SREK1IP1: variants seen among roughly 807,000 people sequenced by gnomAD.
SREK1IP1 encodes SREK1 interacting protein 1.
Under a neutral mutation model 22.8 loss-of-function variants are expected in SREK1IP1, and 12 were observed. The observed-to-expected ratio is 0.53, with a 90% CI of 0.34 to 0.85. SREK1IP1 has a LOEUF of 0.85. Among genes scored for constraint, SREK1IP1 ranks in the 40% least tolerant of loss-of-function variants. The pLI is 0.02. For missense variants in SREK1IP1, 147 were observed against 171.8 expected (o/e 0.86, Z 0.81); for synonymous variants, 53 against 52.7 (o/e 1.01, Z -0.02).
At chr5:64,725,451 T>G (rs1011710662) in intron 4 of SREK1IP1, among the ~76,000 whole-genome samples, 1 of 152,158 alleles carries the variant, frequency 6.6e-6, no homozygotes, top group Non-Finnish European at 1.5e-5. Flanking sequence ...ATCTAAATAT[T>G]AGGAGTTAAA....
Position 64,724,231 on chromosome 5 carries a change from T to C in SREK1IP1, c.*153A>G, listed in dbSNP as rs1742223432. 9 of 620,678 alleles carry C rather than the reference T, an allele frequency of 1.5e-5. No individual in the cohort carries two copies. The highest frequency in any genetic ancestry group is 6.1e-5 in the South Asian group (2 of 32,524). The allele number at this position is 620,678 out of a possible 1,614,324, so 38.4% of individuals were successfully genotyped here. On this transcript the variant is annotated 3_prime_UTR_variant, in exon 5 of 5. Coordinates refer to ENST00000513458, the MANE Select transcript of SREK1IP1 (RefSeq NM_173829.4). ...ACAGTTACAGCACATTAAAAATATA[T>C]TGCCAGAGGGATAATGGTCCCAAAT...
intron 2 of SREK1IP1, among the ~76,000 whole-genome samples, chr5:64,744,208 G>A (rs1392819575): frequency 6.6e-6 from 1 of 152,036 alleles, no homozygotes; most frequent in East Asian, 1.9e-4. Flanking sequence ...GCGCAGGTAG[G>A]GCACCATGCA....
intron 4 of SREK1IP1, among the ~76,000 whole-genome samples, chr5:64,725,721 T>C (rs2112084425): frequency 6.6e-6 from 1 of 152,232 alleles, no homozygotes. Context: ...GCCTCTTCAG[T>C]TGTTATTCTC....
In SREK1IP1 at chr5:64,728,657, C is replaced by T. The variant is rs180952757; in HGVS notation, c.206-478G>A. Among the ~76,000 whole-genome samples the T allele has an allele frequency of 2.0e-5, 3 of 152,288 alleles. No homozygotes were observed. In the East Asian group the frequency reaches 5.8e-4, roughly 29 times the overall value. ...ACATTTACTCATACACACATAGTTG[C>T]ATATAAGTTCCAAGTATTTTTTGCC... On this transcript the variant is annotated intron_variant, in intron 3 of 4. Transcript: ENST00000513458.
In SREK1IP1 at chr5:64,722,503, A is replaced by G. The variant is rs1287485571; in HGVS notation, c.*1881T>C. 6.6e-6 allele frequency: 1 copy of G among 152,218 alleles called. No individual in the cohort carries two copies. Among genetic ancestry groups the G allele is most frequent in the Non-Finnish European group, 1.5e-5 (1 of 68,036 alleles). 9.4% of individuals were successfully genotyped at this position (152,218 alleles called of 1,614,324 possible). A position where few individuals can be genotyped will look rare whatever the true frequency, so the allele number is the denominator to read the frequency against. ...TTATTTTTTCAAGGCTAGTCAAGTC[A>G]AGCAGTGGGAGTAAAGAAACACCAC... On this transcript the variant is annotated 3_prime_UTR_variant, in exon 5 of 5. Coordinates refer to ENST00000513458, the MANE Select transcript of SREK1IP1 (RefSeq NM_173829.4).
intron 3 of SREK1IP1, among the ~76,000 whole-genome samples, chr5:64,740,445 CA>C (rs1322668802): frequency 6.6e-6 from 1 of 151,994 alleles, no homozygotes; most frequent in Non-Finnish European, 1.5e-5. Context: ...GTTTCATGAC[CA>C]AATCAACTTT....
intron 2 of SREK1IP1, among the ~76,000 whole-genome samples, chr5:64,741,846 C>T (rs1742556257): frequency 6.6e-6 from 1 of 152,052 alleles, no homozygotes; most frequent in Non-Finnish European, 1.5e-5. Flanking sequence ...TACCTAAATA[C>T]CTATCATCCA....
rs533875435 is a variant in SREK1IP1 at position 64,727,991 on chromosome 5, C to T, written c.278+116G>A. 2.3e-4 allele frequency: 213 copies of T among 945,242 alleles called. 1 individual carries two copies. In the African/African-American group the frequency reaches 3.7e-3, roughly 16 times the overall value. 58.6% of individuals were successfully genotyped at this position (945,242 alleles called of 1,614,324 possible). Reference sequence around the variant, plus strand: ...GTTTAAACTTAAGCTCAATGAAAAGCTTAGTTGTTGAAGAAAAAATATTAA... The same window carrying T: ...GTTTAAACTTAAGCTCAATGAAAAGTTTAGTTGTTGAAGAAAAAATATTAA... On this transcript the variant is annotated intron_variant, in intron 4 of 4. Coordinates refer to ENST00000513458, the MANE Select transcript of SREK1IP1 (RefSeq NM_173829.4).
intron 2 of SREK1IP1, among the ~76,000 whole-genome samples, chr5:64,743,531 A>AT (rs142957656): frequency 6.6e-6 from 1 of 152,006 alleles, no homozygotes; most frequent in Non-Finnish European, 1.5e-5. Flanking sequence ...CTCCATCTTA[A>AT]TTTTTTTGTC....
chr5:64,742,997 G>A (rs1742575444), intron 2 of SREK1IP1, among the ~76,000 whole-genome samples: 1 of 151,982 alleles, frequency 6.6e-6, no homozygotes, highest in Non-Finnish European at 1.5e-5. Context: ...TGTGTTTATT[G>A]TCAATCTCTA....
chr5:64,742,206 ATATT>A (rs920052703), intron 2 of SREK1IP1, among the ~76,000 whole-genome samples: 2 of 152,160 alleles, frequency 1.3e-5, no homozygotes, highest in African/African-American at 2.4e-5. Context: ...TATGAAAATT[ATATT>A]TATTTGCTGT....
chr5:64,722,902 G>T lies in SREK1IP1; in HGVS notation c.*1482C>A, dbSNP rs2112082111. On this transcript the variant is annotated 3_prime_UTR_variant, in exon 5 of 5. Coordinates refer to ENST00000513458, the MANE Select transcript of SREK1IP1 (RefSeq NM_173829.4). ...CCACATTGGGTGCCAGGTGAAACAA[G>T]AATCAGTAAACCTTTCTAGCCTGTG... The T allele has an allele frequency of 6.6e-6, 1 of 152,326 alleles. No individual in the cohort carries two copies. Among genetic ancestry groups the T allele is most frequent in the South Asian group, 2.1e-4 (1 of 4,832 alleles). The allele number at this position is 152,326 out of a possible 1,614,324, so 9.4% of individuals were successfully genotyped here.
chr5:64,767,391 CTTGCTCACCACT>C (rs1743057917), intron 1 of SREK1IP1, among the ~76,000 whole-genome samples: 1 of 152,212 alleles, frequency 6.6e-6, no homozygotes, highest in African/African-American at 2.4e-5. Flanking sequence ...CCATGTCTAC[CTTGCTCACCACT>C]GTATTTCCAA....
rs919550034 is a variant in SREK1IP1, at chr5:64,722,251, C to T, written c.*2133G>A. Reference sequence around the variant, plus strand: ...TCATTAAAATATTTTAATTTGCATACTACATTAGTTAACGAGGACTGACTT... The same window carrying T: ...TCATTAAAATATTTTAATTTGCATATTACATTAGTTAACGAGGACTGACTT... On this transcript the variant is annotated 3_prime_UTR_variant, in exon 5 of 5. Transcript: ENST00000513458. 6.6e-6 allele frequency: 1 copy of T among 152,088 alleles called. No homozygotes were observed. The highest frequency in any genetic ancestry group is 2.4e-5 in the African/African-American group (1 of 41,430). 9.4% of individuals were successfully genotyped at this position (152,088 alleles called of 1,614,324 possible).
At chr5:64,727,553 A>ATATATATATATATATATT in intron 4 of SREK1IP1, 49 of 84,644 alleles carry the variant, frequency 5.8e-4, no homozygotes, top group African/African-American at 2.7e-3. Flanking sequence ...ATATATATAT[A>ATATATATATATATATATT]TTTTTTTTTT....
intron 2 of SREK1IP1, among the ~76,000 whole-genome samples, chr5:64,741,987 AT>A (rs11355158): frequency 0.62 from 88,360 of 143,326 alleles, 28,342 homozygotes; most frequent in African/African-American, 0.86. Context: ...ATCTCATTCC[AT>A]TTTTTTTTTT....
chr5:64,741,198 C>A lies in SREK1IP1; in HGVS notation c.64G>T (p.Gly22Cys), dbSNP rs1445948637. ...RAGCKKCGYP[G>C]HLTFECRNFL... ...TTGCGGCATTCAAAAGTCAGGTGACCAGCTAAGTGAAACAAACAAAAAAAA... is the reference window on the plus strand; with the variant it reads ...TTGCGGCATTCAAAAGTCAGGTGACAAGCTAAGTGAAACAAACAAAAAAAA... The change falls in exon 3 of 5, where the codon GGT becomes TGT. Residue 22 changes from glycine to cysteine, a missense_variant and splice_region_variant. Around this residue, in one of 3 missense-constraint regions of SREK1IP1, gnomAD observed 62 missense variants for 73.3 expected, o/e 0.85. Coordinates refer to ENST00000513458, the MANE Select transcript of SREK1IP1 (RefSeq NM_173829.4). 2 of 1,607,894 alleles carry A rather than the reference C, an allele frequency of 1.2e-6. No homozygotes were observed. Among genetic ancestry groups the A allele is most frequent in the Non-Finnish European group, 1.7e-6 (2 of 1,176,952 alleles).
chr5:64,729,992 T>C (rs1330641660), intron 3 of SREK1IP1, among the ~76,000 whole-genome samples: 1 of 152,096 alleles, frequency 6.6e-6, no homozygotes. Flanking sequence ...TTTAAAACTA[T>C]GGGGAATAAA....
chr5:64,729,736 C>A (rs752843964), intron 3 of SREK1IP1, among the ~76,000 whole-genome samples: 10 of 151,998 alleles, frequency 6.6e-5, no homozygotes, highest in Admixed American at 6.6e-4. Context: ...GATGATGGAA[C>A]GAAAGGAATC....
Sources: gnomAD v4.1 joint callset for allele counts (sites outside exome capture counted in the v4.1 genomes callset) on GRCh38, gnomAD v4.1.1 for gene constraint, gnomAD v4.1.1 regional missense constraint, MANE v1.5 for transcripts, NCBI Gene and HGNC (gene_info 2026-07-23, HGNC 2026-07-21) for gene names.